Variants in CCNB2 observed in about 807,000 individuals in gnomAD.
CCNB2 encodes the protein cyclin B2.
CCNB2 carries 39 observed loss-of-function variants against 51.1 expected under a neutral mutation model. The observed-to-expected ratio is 0.76, with a 90% CI of 0.59 to 1.00. CCNB2 has a LOEUF of 1.00. Among genes scored for constraint, CCNB2 ranks in the 50% least tolerant of loss-of-function variants. The probability of loss-of-function intolerance (pLI) is 0.00; values close to 1 mark genes in which losing one functional copy is unlikely to be tolerated. For synonymous variants in CCNB2, 174 were observed against 165.5 expected, an observed-to-expected ratio of 1.05 and a Z score of -0.40; for missense variants, 472 against 470.3, an observed-to-expected ratio of 1.00 and a Z score of -0.03.
chr15:59,111,586 T>G (rs955151025), intron 3 of CCNB2, among the ~76,000 whole-genome samples: 1 of 152,222 alleles, frequency 6.6e-6, no homozygotes. Context: ...TTTTTCACCT[T>G]AACGTTTGGA....
chr15:59,122,850 C>T (rs1433588343), intron 7 of CCNB2, among the ~76,000 whole-genome samples: 1 of 152,196 alleles, frequency 6.6e-6, no homozygotes, highest in African/African-American at 2.4e-5. Context: ...TATATATCTT[C>T]TTACATGATA....
In CCNB2 at chr15:59,116,669, G is replaced by A. The variant is rs28383541; in HGVS notation, c.598-21G>A. On this transcript the variant is annotated intron_variant, in intron 5 of 8. Coordinates refer to ENST00000288207, the MANE Select transcript of CCNB2 (RefSeq NM_004701.4). Reference sequence around the variant, plus strand: ...ACTCTTCTTGTTAGGTGTGACTTTTGTTACATTAATTTTCCATTAGGTTCA... The same window carrying A: ...ACTCTTCTTGTTAGGTGTGACTTTTATTACATTAATTTTCCATTAGGTTCA... 151 of 1,551,152 alleles carry A rather than the reference G, an allele frequency of 9.7e-5. 1 individual carries two copies. In the African/African-American group the frequency reaches 1.8e-3, roughly 18 times the overall value.
chr15:59,117,042 G>A lies in CCNB2; in HGVS notation c.834+116G>A, dbSNP rs2079282153. 4.0e-6 allele frequency: 4 copies of A among 997,816 alleles called. No individual in the cohort carries two copies. The African/African-American group carries it at 4.8e-5, about 12-fold the overall frequency. 61.8% of individuals were successfully genotyped at this position (997,816 alleles called of 1,614,324 possible). ...ACGCTTCCTTTAGGTAAGTCTTAAT[G>A]CTTTCCTCATCAGTTCTTAAGAGAA... On this transcript the variant is annotated intron_variant, in intron 6 of 8. Coordinates refer to ENST00000288207, the MANE Select transcript of CCNB2 (RefSeq NM_004701.4).
intron 7 of CCNB2, among the ~76,000 whole-genome samples, chr15:59,123,048 A>C (rs1267992632): frequency 1.6e-4 from 25 of 152,294 alleles, no homozygotes; most frequent in African/African-American, 6.0e-4. Flanking sequence ...CTTGTAGCAC[A>C]GTTTATTTCT....
rs545609772 is a variant in CCNB2, at chr15:59,123,747, T to C, written c.1086+120T>C. On this transcript the variant is annotated intron_variant, in intron 8 of 8. Transcript: ENST00000288207. ...AATATATTAATAACATGTGGGAGTT[T>C]TAGCACAAATCCTTTATCCTTTATA... The C allele has an allele frequency of 2.6e-5, 17 of 654,250 alleles. No homozygotes were observed. The East Asian group carries it at 4.4e-4, about 17-fold the overall frequency. 40.5% of individuals were successfully genotyped at this position (654,250 alleles called of 1,614,324 possible). A position where few individuals can be genotyped will look rare whatever the true frequency, so the allele number is the denominator to read the frequency against.
chr15:59,108,499 G>C (rs1195517192), intron 3 of CCNB2, among the ~76,000 whole-genome samples: 1 of 152,028 alleles, frequency 6.6e-6, no homozygotes, highest in Non-Finnish European at 1.5e-5. Flanking sequence ...TCAATAGTGG[G>C]TATGAAGAAA....
chr15:59,113,013 G>A (rs1192911807), intron 3 of CCNB2, among the ~76,000 whole-genome samples: 1 of 150,968 alleles, frequency 6.6e-6, no homozygotes, highest in Non-Finnish European at 1.5e-5. Flanking sequence ...CAGCCTGGGC[G>A]ACAGAGCGAG....
At chr15:59,111,312 A>G (rs1197404225) in intron 3 of CCNB2, among the ~76,000 whole-genome samples, 8 of 152,122 alleles carry the variant, frequency 5.3e-5, no homozygotes, top group Non-Finnish European at 1.2e-4. Flanking sequence ...CGGATCACAG[A>G]TGTGAGCCAC....
intron 7 of CCNB2, among the ~76,000 whole-genome samples, chr15:59,123,229 C>T (rs1021634222): frequency 5.9e-5 from 9 of 152,078 alleles, no homozygotes; most frequent in African/African-American, 2.2e-4. Context: ...AGTGTTGTTA[C>T]TTGAAGGACT....
chr15:59,120,379 G>C (rs972942439), intron 7 of CCNB2, among the ~76,000 whole-genome samples: 2 of 152,092 alleles, frequency 1.3e-5, no homozygotes, highest in Non-Finnish European at 2.9e-5. Flanking sequence ...TATAGTCCCA[G>C]ATACTCAGGA....
intron 3 of CCNB2, 70 bp downstream of exon 3, chr15:59,107,740 T>A (rs1468654776): frequency 8.7e-7 from 1 of 1,150,790 alleles, no homozygotes; most frequent in Non-Finnish European, 1.3e-6. Flanking sequence ...CAAGGGTGCC[T>A]TTATCATTGC....
chr15:59,121,756 A>T (rs1474728373), intron 7 of CCNB2, among the ~76,000 whole-genome samples: 2 of 151,370 alleles, frequency 1.3e-5, no homozygotes, highest in Non-Finnish European at 2.9e-5. Context: ...ACATGGTAAA[A>T]CTCTGTCTCT....
intron 3 of CCNB2, among the ~76,000 whole-genome samples, chr15:59,112,351 C>CTT (rs71425842): frequency 2.5e-4 from 37 of 147,912 alleles, no homozygotes; most frequent in Admixed American, 6.0e-4. Context: ...TTAAAATTGT[C>CTT]TTTTTTTTTT....
In CCNB2 at chr15:59,123,509, T is replaced by C. The variant is rs1237772528; in HGVS notation, c.976-8T>C. ...GTCATGTCTGTCTGTCTGCTTCTTG[T>C]GTTTCAGAACTTAAAGCAGCAGTAT... On this transcript the variant is annotated splice_region_variant and splice_polypyrimidine_tract_variant and intron_variant, in intron 7 of 8. Transcript: ENST00000288207. The C allele has an allele frequency of 2.6e-6, 4 of 1,564,516 alleles. No homozygotes were observed. The highest frequency in any genetic ancestry group is 2.6e-6 in the Non-Finnish European group (3 of 1,135,406).
chr15:59,107,188 T>G, intron 1 of CCNB2, 134 bp from the exon 2 acceptor site: 1 of 773,494 alleles, frequency 1.3e-6, no homozygotes, highest in Non-Finnish European at 2.0e-6. Context: ...CTTCCTGAAA[T>G]GTACCTTTTC....
chr15:59,112,877 A>G (rs1402106740), intron 3 of CCNB2, among the ~76,000 whole-genome samples: 2 of 151,814 alleles, frequency 1.3e-5, no homozygotes, highest in Non-Finnish European at 2.9e-5. Context: ...TACTAAAAAT[A>G]CAAAAAATTA....
At chr15:59,121,337 A>C (rs1191389012) in intron 7 of CCNB2, 1 of 152,230 alleles carries the variant, frequency 6.6e-6, no homozygotes, top group Non-Finnish European at 1.5e-5. Flanking sequence ...CATTTGAGGC[A>C]AAAATGTCAC....
chr15:59,108,423 A>G (rs571328348), intron 3 of CCNB2, among the ~76,000 whole-genome samples: 3 of 152,338 alleles, frequency 2.0e-5, no homozygotes, highest in African/African-American at 7.2e-5. Context: ...CACTTATCCA[A>G]GCAAGAGCTG....
intron 7 of CCNB2, chr15:59,121,253 T>G (rs1288128307): frequency 1.3e-5 from 2 of 152,212 alleles, no homozygotes; most frequent in African/African-American, 4.8e-5. Flanking sequence ...GATTGATCAG[T>G]CTACATGAAG....
Sources: gnomAD v4.1 joint callset for allele counts (sites outside exome capture counted in the v4.1 genomes callset) on GRCh38, gnomAD v4.1.1 for gene constraint, MANE v1.5 for transcripts, NCBI Gene and HGNC (gene_info 2026-07-23, HGNC 2026-07-21) for gene names.